Variants in HCN1 observed in about 807,000 individuals in gnomAD.
HCN1 encodes hyperpolarization activated cyclic nucleotide gated potassium channel 1, also known as potassium/sodium hyperpolarization-activated cyclic nucleotide-gated channel 1.
HCN1 carries 13 observed loss-of-function variants against 78.9 expected under a neutral mutation model. The observed-to-expected ratio is 0.16, with a 90% CI of 0.11 to 0.26. HCN1 has a LOEUF of 0.26. Ranked by LOEUF, HCN1 falls within the 10% of genes least tolerant of loss-of-function variation. HCN1 has a pLI of 1.00. For synonymous variants in HCN1, 552 were observed against 455.5 expected (o/e 1.21, Z -2.70); for missense variants, 810 against 1,154.3 (o/e 0.70, Z 4.32).
intron 4 of HCN1, among the ~76,000 whole-genome samples, chr5:45,388,747 C>T (rs1000413787): frequency 2.0e-5 from 3 of 152,128 alleles, no homozygotes; most frequent in African/African-American, 7.2e-5. Flanking sequence ...CCTCTCATTT[C>T]ACAAAGTTTA....
chr5:45,376,329 TAACA>T (rs1747673818), intron 4 of HCN1, among the ~76,000 whole-genome samples: 1 of 3,428 alleles, frequency 2.9e-4, no homozygotes. Context: ...ATTACATATA[TAACA>T]TATATTATAT....
intron 5 of HCN1, among the ~76,000 whole-genome samples, chr5:45,310,310 T>G (rs1259685653): frequency 6.6e-6 from 1 of 151,380 alleles, no homozygotes; most frequent in Non-Finnish European, 1.5e-5. Context: ...CTTAAACAAA[T>G]TTACAAAAAA....
intron 2 of HCN1, among the ~76,000 whole-genome samples, chr5:45,628,376 T>G (rs1454047781): frequency 6.6e-6 from 1 of 152,170 alleles, no homozygotes; most frequent in African/African-American, 2.4e-5. Flanking sequence ...TTATCTAGGT[T>G]GTAAACTCTT....
At chr5:45,381,576 C>G (rs1037853380) in intron 4 of HCN1, among the ~76,000 whole-genome samples, 2 of 152,140 alleles carry the variant, frequency 1.3e-5, no homozygotes, top group Admixed American at 6.6e-5. Flanking sequence ...TTTCATCCAT[C>G]AGGGCTAGGT....
rs71000637 is a variant in HCN1 at position 45,534,404 on chromosome 5, C to CAAAAAAAAAAAAAAAAAAAAAA, written c.850-72419_850-72398dup. On this transcript the variant is annotated intron_variant, in intron 2 of 7. Coordinates refer to ENST00000303230, the MANE Select transcript of HCN1 (RefSeq NM_021072.4). The stretch of plus-strand genomic sequence containing the variant: ...TGGGCAACAGAGTGAGACTGCATCT[C>CAAAAAAAAAAAAAAAAAAAAAA]AAAAAAAAAAAAAAAAAAAAAAAAA... Among the ~76,000 whole-genome samples the CAAAAAAAAAAAAAAAAAAAAAA allele has an allele frequency of 1.0e-4, 3 of 29,316 alleles. 1 individual carries two copies. The highest frequency in any genetic ancestry group is 3.4e-4 in the African/African-American group (2 of 5,888). The allele number at this position is 29,316 out of a possible 152,430, so 19.2% of individuals were successfully genotyped here.
intron 2 of HCN1, among the ~76,000 whole-genome samples, chr5:45,518,593 T>C (rs908355071): frequency 2.0e-5 from 3 of 152,002 alleles, no homozygotes; most frequent in African/African-American, 7.2e-5. Context: ...GTAAATACTG[T>C]GACCCTGATA....
chr5:45,510,393 CTCAA>C (rs1355050582), intron 2 of HCN1, among the ~76,000 whole-genome samples: 1 of 152,016 alleles, frequency 6.6e-6, no homozygotes, highest in East Asian at 1.9e-4. Context: ...AGAGTATCGA[CTCAA>C]TAGGGCTGGG....
At chr5:45,379,070 C>T (rs1747750495) in intron 4 of HCN1, among the ~76,000 whole-genome samples, 1 of 152,022 alleles carries the variant, frequency 6.6e-6, no homozygotes, top group South Asian at 2.1e-4. Flanking sequence ...TGAATAGTGC[C>T]CTAATAAACA....
chr5:45,464,771 T>C (rs1741234082), intron 2 of HCN1, among the ~76,000 whole-genome samples: 1 of 151,956 alleles, frequency 6.6e-6, no homozygotes, highest in Non-Finnish European at 1.5e-5. Context: ...GCATAATCAT[T>C]ACATACGATC....
chr5:45,492,242 G>A (rs1579927415), intron 2 of HCN1, among the ~76,000 whole-genome samples: 2 of 151,064 alleles, frequency 1.3e-5, no homozygotes, highest in South Asian at 2.1e-4. Context: ...CTAGAGGCAG[G>A]GAGCCATTTT....
intron 2 of HCN1, among the ~76,000 whole-genome samples, chr5:45,517,317 T>C (rs1742532617): frequency 6.6e-6 from 1 of 151,802 alleles, no homozygotes; most frequent in Non-Finnish European, 1.5e-5. Flanking sequence ...TATTAATAAA[T>C]TGATTCTACT....
intron 4 of HCN1, among the ~76,000 whole-genome samples, chr5:45,395,481 T>A (rs1265552475): frequency 6.6e-6 from 1 of 152,196 alleles, no homozygotes; most frequent in Non-Finnish European, 1.5e-5. Context: ...CTAGTGGCAG[T>A]ATAATTATAT....
chr5:45,313,939 C>A (rs1379007095), intron 5 of HCN1, among the ~76,000 whole-genome samples: 2 of 152,206 alleles, frequency 1.3e-5, no homozygotes, highest in Admixed American at 1.3e-4. Flanking sequence ...TTGGAAAACA[C>A]TCTGCAGGAT....
chr5:45,267,262 A>G lies in HCN1; in HGVS notation c.1619-9T>C. The stretch of plus-strand genomic sequence containing the variant: ...GGTCAGCAGGCAAATCTCTATAAAA[A>G]CAAACAACAAAGAAGAATGACTTGT... On this transcript the variant is annotated splice_polypyrimidine_tract_variant and intron_variant, in intron 6 of 7. Transcript: ENST00000303230. 1 of 1,613,526 alleles carries G rather than the reference A, an allele frequency of 6.2e-7. No individual in the cohort carries two copies. Among genetic ancestry groups the G allele is most frequent in the Non-Finnish European group, 8.5e-7 (1 of 1,179,486 alleles).
intron 4 of HCN1, among the ~76,000 whole-genome samples, chr5:45,372,849 G>A (rs867541530): frequency 8.7e-4 from 124 of 142,022 alleles, no homozygotes; most frequent in Non-Finnish European, 1.5e-3. Flanking sequence ...AAATATGTTC[G>A]TATTCTATAC....
chr5:45,532,350 T>C (rs1486360157), intron 2 of HCN1, among the ~76,000 whole-genome samples: 2 of 152,206 alleles, frequency 1.3e-5, no homozygotes, highest in African/African-American at 2.4e-5. Flanking sequence ...TGTTTCAAGA[T>C]AATATTGATC....
rs1393423164 is a variant in HCN1, at chr5:45,258,243, A to G, written c.*3678T>C. ...AGATTGCTCATAATTTGAAGTAGAC[A>G]TAATTCAGGATTTGAAATAAATCAT... On this transcript the variant is annotated 3_prime_UTR_variant, in exon 8 of 8. Transcript: ENST00000303230. 1.3e-5 allele frequency: 2 copies of G among 152,214 alleles called. No homozygotes were observed. Among genetic ancestry groups the G allele is most frequent in the Non-Finnish European group, 2.9e-5 (2 of 68,020 alleles). 9.4% of individuals were successfully genotyped at this position (152,214 alleles called of 1,614,324 possible). A position where few individuals can be genotyped will look rare whatever the true frequency, so the allele number is the denominator to read the frequency against.
At chr5:45,628,321 C>T (rs943847116) in intron 2 of HCN1, among the ~76,000 whole-genome samples, 1 of 152,134 alleles carries the variant, frequency 6.6e-6, no homozygotes, top group South Asian at 2.1e-4. Flanking sequence ...ATAATGCAGG[C>T]CCTGGCCCTG....
chr5:45,504,222 G>T (rs1406851069), intron 2 of HCN1, among the ~76,000 whole-genome samples: 1 of 151,988 alleles, frequency 6.6e-6, no homozygotes, highest in Admixed American at 6.6e-5. Context: ...TTTACATTAG[G>T]TATATCTCCT....
Sources: gnomAD v4.1 joint callset for allele counts (sites outside exome capture counted in the v4.1 genomes callset) on GRCh38, gnomAD v4.1.1 for gene constraint, MANE v1.5 for transcripts, NCBI Gene and HGNC (gene_info 2026-07-23, HGNC 2026-07-21) for gene names.